The following ZFHX3 variants were observed in gnomAD, a reference collection of about 807,000 sequenced individuals.
The protein encoded by ZFHX3 is zinc finger homeobox protein 3.
In ZFHX3, 42 loss-of-function variants were observed where a neutral mutation model predicts 279.1. The ratio of observed to expected loss-of-function variants is 0.15; its 90% confidence interval spans 0.12 to 0.19. The LOEUF is 0.19. Ranked by LOEUF, ZFHX3 falls within the 10% of genes least tolerant of loss-of-function variation. The pLI is 1.00. For missense variants in ZFHX3, 4,981 were observed against 4,754.0 expected (o/e 1.05, Z -1.40); for synonymous variants, 2,293 against 1,957.8 (o/e 1.17, Z -4.52).
chr16:73,066,143 C>T (rs1965749351), intron 8 of ZFHX3, among the ~76,000 whole-genome samples: 1 of 152,234 alleles, frequency 6.6e-6, no homozygotes, highest in African/African-American at 2.4e-5. Flanking sequence ...GGACTCGGGG[C>T]GCGCCCTCTC....
In ZFHX3 at chr16:72,958,211, G is replaced by A. The variant is rs369430915; in HGVS notation, c.1935C>T (p.Cys645=). 1.1e-5 allele frequency: 18 copies of A among 1,611,506 alleles called. No homozygotes were observed. Among genetic ancestry groups the A allele is most frequent in the African/African-American group, 8.0e-5 (6 of 75,002 alleles). The change falls in exon 2 of 10, where the codon TGC becomes TGT. Residue 645 remains cysteine (C), a synonymous_variant. Transcript: ENST00000268489. The part of the protein sequence containing the change: ...PSGSGVECPK[C]DTVLGSSRSL... ...AGCGGGAGGAGCCCAGGACCGTGTCGCATTTGGGGCACTCCACGCCACTCC... is the reference window on the plus strand; with the variant it reads ...AGCGGGAGGAGCCCAGGACCGTGTCACATTTGGGGCACTCCACGCCACTCC...
At chr16:73,763,376 G>A (rs1052005602) in intron 1 of ZFHX3, among the ~76,000 whole-genome samples, 5 of 152,130 alleles carry the variant, frequency 3.3e-5, no homozygotes, top group African/African-American at 1.2e-4. Flanking sequence ...TCTAATTAAT[G>A]TCTTCCCATT....
intron 1 of ZFHX3, among the ~76,000 whole-genome samples, chr16:73,836,405 C>A (rs1421231392): frequency 6.6e-6 from 1 of 152,160 alleles, no homozygotes; most frequent in Non-Finnish European, 1.5e-5. Context: ...GGTTATTTAA[C>A]ATGTTCATTT....
At chr16:73,074,267 G>C (rs1965859041) in intron 8 of ZFHX3, among the ~76,000 whole-genome samples, 1 of 152,148 alleles carries the variant, frequency 6.6e-6, no homozygotes. Flanking sequence ...CCTGTCCCAG[G>C]CGCAATGTTG....
intron 1 of ZFHX3, among the ~76,000 whole-genome samples, chr16:73,707,921 G>T (rs2053320740): frequency 6.6e-6 from 1 of 152,154 alleles, no homozygotes; most frequent in Admixed American, 6.5e-5. Context: ...ACACACAGGA[G>T]ATTTCCAATG....
intron 3 of ZFHX3, among the ~76,000 whole-genome samples, chr16:73,396,650 C>T (rs72799447): frequency 0.079 from 12,048 of 152,114 alleles, 561 homozygotes; most frequent in Middle Eastern, 0.14. Flanking sequence ...GGGAAGTGTG[C>T]CAGACTCTTA....
chr16:73,745,635 G>C (rs2053696862), intron 1 of ZFHX3, among the ~76,000 whole-genome samples: 1 of 152,192 alleles, frequency 6.6e-6, no homozygotes, highest in African/African-American at 2.4e-5. Context: ...GTCATTTTGA[G>C]ACAATGGATT....
intron 1 of ZFHX3, among the ~76,000 whole-genome samples, chr16:73,837,135 G>C (rs1348702469): frequency 6.6e-6 from 1 of 152,170 alleles, no homozygotes; most frequent in African/African-American, 2.4e-5. Context: ...AGTCAAGATG[G>C]AGCTTCTGAC....
At chr16:73,351,020 G>A (rs897359426) in intron 3 of ZFHX3, among the ~76,000 whole-genome samples, 3 of 152,184 alleles carry the variant, frequency 2.0e-5, no homozygotes, top group Admixed American at 6.5e-5. Flanking sequence ...GACCTTCCCC[G>A]CATAAGAAAG....
Position 72,889,879 on chromosome 16 carries a change from C to A in ZFHX3, c.3300G>T (p.Lys1100Asn). 6.2e-7 allele frequency: 1 copy of A among 1,614,208 alleles called. No homozygotes were observed. The highest frequency in any genetic ancestry group is 1.1e-5 in the South Asian group (1 of 91,084). ...CVLCNYSTKA[K>N]LNLIQHVRSM... The stretch of plus-strand genomic sequence containing the variant: ...AGCGCACATGCTGGATGAGGTTGAG[C>A]TTGGCCTTGGTGGAGTAGTTGCACA... The change falls in exon 4 of 10, where the codon AAG (lysine) becomes AAT (asparagine). Residue 1100 changes from lysine to asparagine, a missense_variant. By Grantham distance (94) the Lys-to-Asn change is moderately conservative. This residue lies in a region of ZFHX3 where 1,751 missense variants were observed against 1,770.0 expected (regional missense o/e 0.99). Coordinates refer to ENST00000268489, the MANE Select transcript of ZFHX3 (RefSeq NM_006885.4).
chr16:73,510,662 G>A (rs2019412990), intron 2 of ZFHX3, among the ~76,000 whole-genome samples: 1 of 152,184 alleles, frequency 6.6e-6, no homozygotes, highest in Admixed American at 6.5e-5. Flanking sequence ...GATGTGAATA[G>A]CAGCATGTGG....
At chr16:73,057,777 GC>G (rs1442538281) in intron 1 of ZFHX3, among the ~76,000 whole-genome samples, 4 of 151,036 alleles carry the variant, frequency 2.6e-5, no homozygotes, top group African/African-American at 9.7e-5. Flanking sequence ...CGGCCGCCTC[GC>G]CCCCTCCGGG....
chr16:73,720,295 T>C (rs1395171600), intron 1 of ZFHX3, among the ~76,000 whole-genome samples: 3 of 152,188 alleles, frequency 2.0e-5, no homozygotes, highest in Non-Finnish European at 4.4e-5. Context: ...ATTTACACTC[T>C]TTGGCAATAT....
chr16:73,031,478 G>C (rs1304663359), intron 1 of ZFHX3, among the ~76,000 whole-genome samples: 3 of 152,198 alleles, frequency 2.0e-5, no homozygotes, highest in African/African-American at 7.2e-5. Context: ...TTGGTTTGGA[G>C]GAACCACAAC....
At chr16:72,813,615 A>G (rs1172280482) in intron 5 of ZFHX3, among the ~76,000 whole-genome samples, 1 of 152,208 alleles carries the variant, frequency 6.6e-6, no homozygotes, top group East Asian at 1.9e-4. Context: ...TACAAGGACG[A>G]GCATATTACA....
chr16:73,613,123 C>T (rs944751149), intron 2 of ZFHX3, among the ~76,000 whole-genome samples: 13 of 152,022 alleles, frequency 8.6e-5, no homozygotes, highest in Admixed American at 3.3e-4. Flanking sequence ...GAAAATTAAA[C>T]CTAGATTTTA....
intron 4 of ZFHX3, among the ~76,000 whole-genome samples, chr16:73,296,350 G>T (rs1260312440): frequency 6.6e-6 from 1 of 152,162 alleles, no homozygotes; most frequent in African/African-American, 2.4e-5. Flanking sequence ...CATGAAGGAA[G>T]GATGGGAGAA....
intron 3 of ZFHX3, among the ~76,000 whole-genome samples, chr16:73,319,375 A>G (rs1043719584): frequency 1.3e-5 from 2 of 151,984 alleles, no homozygotes; most frequent in African/African-American, 4.8e-5. Flanking sequence ...GAACCAGCAC[A>G]GGTTACTTGG....
intron 1 of ZFHX3, among the ~76,000 whole-genome samples, chr16:72,995,672 G>A (rs955431997): frequency 6.6e-6 from 1 of 152,104 alleles, no homozygotes; most frequent in Non-Finnish European, 1.5e-5. Flanking sequence ...GCAAGAACAC[G>A]GGAATCCGCC....
Sources: allele counts gnomAD v4.1 joint callset (sites outside exome capture counted in the v4.1 genomes callset), GRCh38; gene constraint gnomAD v4.1.1; regional missense constraint gnomAD v4.1.1; transcripts MANE v1.5; gene names NCBI Gene and HGNC (gene_info 2026-07-23, HGNC 2026-07-21).